Variants in DACH2 observed in about 807,000 individuals in gnomAD.
DACH2 encodes dachshund homolog 2.
A neutral mutation model predicts 35.8 loss-of-function variants in DACH2; 17 were observed. That is an observed-to-expected ratio of 0.48 (90% CI 0.33 to 0.71). The LOEUF is 0.71. DACH2 is among the 30% of genes least tolerant of loss of function. The probability of loss-of-function intolerance (pLI) is 0.02; values close to 1 mark genes in which losing one functional copy is unlikely to be tolerated. For synonymous variants in DACH2, 195 were observed against 177.3 expected, an observed-to-expected ratio of 1.10 and a Z score of -0.79; for missense variants, 469 against 472.7, an observed-to-expected ratio of 0.99 and a Z score of 0.07.
intron 1 of DACH2, among the ~76,000 whole-genome samples, chrX:86,232,643 A>G (rs1485736461): frequency 3.6e-5 from 4 of 112,363 alleles, no homozygotes; most frequent in Non-Finnish European, 5.6e-5. Flanking sequence ...ACAAGATACC[A>G]TCTCACACCA....
chrX:86,738,462 T>G (rs1378792073), intron 6 of DACH2, among the ~76,000 whole-genome samples: 1 of 112,230 alleles, frequency 8.9e-6, no homozygotes, highest in African/African-American at 3.2e-5. Context: ...AATAATGATG[T>G]GATTACAGAT....
At chrX:86,653,465 C>A (rs2040501835) in intron 4 of DACH2, among the ~76,000 whole-genome samples, 1 of 110,770 alleles carries the variant, frequency 9.0e-6, no homozygotes, top group Non-Finnish European at 1.9e-5. Context: ...GGAGCATGAA[C>A]CTCCCTGGGG....
chrX:86,306,132 G>C (rs767548656), intron 1 of DACH2, among the ~76,000 whole-genome samples: 2 of 111,926 alleles, frequency 1.8e-5, no homozygotes, highest in African/African-American at 6.5e-5. Flanking sequence ...TTGTCAAAGA[G>C]ATACCTATAC....
intron 2 of DACH2, among the ~76,000 whole-genome samples, chrX:86,428,551 C>T (rs2036931513): frequency 9.0e-6 from 1 of 111,576 alleles, no homozygotes; most frequent in Admixed American, 9.5e-5. Flanking sequence ...AAATAGAATT[C>T]CTGCAGACAA....
rs192076507 is a variant in DACH2, at chrX:86,738,349, G to A, written c.1105-1398G>A. 1.9e-3 allele frequency among the ~76,000 whole-genome samples: 213 copies of A among 111,554 alleles called. 3 individuals are homozygous for A. Among genetic ancestry groups the A allele is most frequent in the Admixed American group, 0.015 (158 of 10,436 alleles). On this transcript the variant is annotated intron_variant, in intron 6 of 11. Transcript: ENST00000373125. ...TCATGCTATTACTTTTGCATTAAAC[G>A]AACAGTTTTTTAGGGGGGTTATTTG...
intron 3 of DACH2, among the ~76,000 whole-genome samples, chrX:86,612,296 A>T (rs1247540014): frequency 9.3e-6 from 1 of 107,382 alleles, no homozygotes; most frequent in African/African-American, 3.4e-5. Flanking sequence ...GTACTCTTGG[A>T]GCTGAAGCTC....
At chrX:86,610,355 CTTCCTTCCTCTT>C (rs2039915619) in intron 3 of DACH2, among the ~76,000 whole-genome samples, 1 of 96,737 alleles carries the variant, frequency 1.0e-5, no homozygotes, top group Non-Finnish European at 2.1e-5. Flanking sequence ...TCCTTCCTTC[CTTCCTTCCTCTT>C]TCTTTCTTTC....
chrX:86,808,063 G>T (rs1884360573), intron 7 of DACH2, among the ~76,000 whole-genome samples: 1 of 111,542 alleles, frequency 9.0e-6, no homozygotes, highest in Non-Finnish European at 1.9e-5. Flanking sequence ...AAAGTACAGT[G>T]ATCTCTTCTT....
intron 1 of DACH2, among the ~76,000 whole-genome samples, chrX:86,289,683 C>G (rs1271829236): frequency 8.7e-5 from 9 of 103,454 alleles, no homozygotes; most frequent in Non-Finnish European, 1.6e-4. Context: ...TTGGTTTTTT[C>G]TTCTTGCGAT....
chrX:86,450,707 T>C (rs1184547542), intron 2 of DACH2, among the ~76,000 whole-genome samples: 1 of 109,450 alleles, frequency 9.1e-6, no homozygotes, highest in African/African-American at 3.4e-5. Context: ...AGGGTTCCTT[T>C]TCCTTCACAA....
intron 6 of DACH2, among the ~76,000 whole-genome samples, chrX:86,718,251 A>G (rs916141134): frequency 1.3e-4 from 14 of 111,515 alleles, no homozygotes; most frequent in Non-Finnish European, 2.6e-4. Context: ...ATAATTAGTG[A>G]TGTTGAGCAT....
At chrX:86,228,370 C>T (rs1296614207) in intron 1 of DACH2, among the ~76,000 whole-genome samples, 8 of 108,908 alleles carry the variant, frequency 7.3e-5, no homozygotes, top group Non-Finnish European at 1.3e-4. Context: ...CACGATTTTG[C>T]TATTGTGAAT....
chrX:86,629,394 T>C lies in DACH2; in HGVS notation c.641-21642T>C, dbSNP rs2040173308. Among the ~76,000 whole-genome samples, 3 of 111,129 alleles carry C rather than the reference T, an allele frequency of 2.7e-5. No homozygotes were observed. In the Admixed American group the frequency reaches 2.9e-4, roughly 11 times the overall value. The stretch of plus-strand genomic sequence containing the variant: ...TTAAAAATGATCTTGAAACATCCAG[T>C]AATACTCTATAAAAATGCTCAAATA... On this transcript the variant is annotated intron_variant, in intron 3 of 11. Coordinates refer to ENST00000373125, the MANE Select transcript of DACH2 (RefSeq NM_053281.3).
At chrX:86,608,518 T>C (rs1255451359) in intron 3 of DACH2, among the ~76,000 whole-genome samples, 1 of 112,175 alleles carries the variant, frequency 8.9e-6, no homozygotes, top group Admixed American at 9.5e-5. Context: ...TTTTTCTGTG[T>C]ACTTATTATT....
intron 6 of DACH2, among the ~76,000 whole-genome samples, chrX:86,739,153 C>T (rs1401694803): frequency 8.9e-6 from 1 of 111,809 alleles, no homozygotes; most frequent in Non-Finnish European, 1.9e-5. Context: ...AGATTACATG[C>T]GTGAGCCACC....
At chrX:86,636,387 G>A (rs1388364378) in intron 3 of DACH2, among the ~76,000 whole-genome samples, 2 of 107,550 alleles carry the variant, frequency 1.9e-5, no homozygotes, top group Non-Finnish European at 3.8e-5. Context: ...GGCAGAGGTT[G>A]CAGTGAGCTG....
At chrX:86,405,159 C>G (rs993018138) in intron 2 of DACH2, among the ~76,000 whole-genome samples, 5 of 111,555 alleles carry the variant, frequency 4.5e-5, no homozygotes, top group Non-Finnish European at 9.4e-5. Context: ...CTGACATGCC[C>G]TGGAGATATT....
chrX:86,203,937 G>A (rs747874163), intron 1 of DACH2, among the ~76,000 whole-genome samples: 1 of 111,718 alleles, frequency 9.0e-6, no homozygotes, highest in Non-Finnish European at 1.9e-5. Flanking sequence ...CGGAGAAGGA[G>A]TTAAACTTCT....
intron 7 of DACH2, among the ~76,000 whole-genome samples, chrX:86,788,835 A>T (rs919453972): frequency 2.7e-5 from 3 of 111,568 alleles, no homozygotes; most frequent in Non-Finnish European, 5.6e-5. Flanking sequence ...CTCCTTGATA[A>T]AATACCAACT....
Sources: allele counts gnomAD v4.1 joint callset (sites outside exome capture counted in the v4.1 genomes callset), GRCh38; gene constraint gnomAD v4.1.1; transcripts MANE v1.5; gene names NCBI Gene and HGNC (gene_info 2026-07-23, HGNC 2026-07-21).